Variants in FAM117B observed in about 807,000 individuals in gnomAD.
The protein encoded by FAM117B is family with sequence similarity 117 member B.
In FAM117B, 22 loss-of-function variants were observed where a neutral mutation model predicts 52.8. That is an observed-to-expected ratio of 0.42 (90% CI 0.30 to 0.59). The LOEUF (loss-of-function observed/expected upper bound fraction) is 0.59, where lower values mean the gene tolerates loss of function less well. FAM117B is among the 20% of genes least tolerant of loss of function. FAM117B has a pLI of 0.22. For synonymous variants in FAM117B, 309 were observed against 324.1 expected, an observed-to-expected ratio of 0.95 and a Z score of 0.50; for missense variants, 678 against 802.6, an observed-to-expected ratio of 0.84 and a Z score of 1.88.
chr2:202,765,471 G>A lies in FAM117B; in HGVS notation c.1477G>A (p.Ala493Thr), dbSNP rs774282248. The A allele has an allele frequency of 5.6e-6, 9 of 1,613,410 alleles. No individual in the cohort carries two copies. Among genetic ancestry groups the A allele is most frequent in the Middle Eastern group, 1.6e-4 (1 of 6,062 alleles). ...GCCAAAACAGCTTCATGAAATCCCA[G>A]CCTTTTATTGTCCTGACAAAAACAA... ...CSPKQLHEIPAFYCPDKNKVN... is the reference protein window; with the variant it reads ...CSPKQLHEIPTFYCPDKNKVN... The change falls in exon 8 of 8, where the codon GCC (alanine) becomes ACC (threonine). Residue 493 changes from alanine (A) to threonine (T), a missense_variant. Ala to Thr is a moderately conservative substitution (Grantham distance 58, BLOSUM62 0). Transcript: ENST00000392238.
At chr2:202,660,606 C>G (rs1036500519) in intron 1 of FAM117B, among the ~76,000 whole-genome samples, 3 of 152,170 alleles carry the variant, frequency 2.0e-5, no homozygotes, top group African/African-American at 7.2e-5. Context: ...CCTTTTTCAG[C>G]TCCCTGTTCT....
rs990188061 is a variant in FAM117B, at chr2:202,768,307, A to G, written c.*2543A>G. 6.6e-6 allele frequency: 1 copy of G among 152,216 alleles called. No individual in the cohort carries two copies. Among genetic ancestry groups the G allele is most frequent in the African/African-American group, 2.4e-5 (1 of 41,458 alleles). 9.4% of individuals were successfully genotyped at this position (152,216 alleles called of 1,614,324 possible). On this transcript the variant is annotated 3_prime_UTR_variant, in exon 8 of 8. Coordinates refer to ENST00000392238, the MANE Select transcript of FAM117B (RefSeq NM_173511.4). ...ATATGTCCTTAATCTAAAGTAACTT[A>G]AAATTGGAATGGAAGAACAAGTTTC...
intron 4 of FAM117B, among the ~76,000 whole-genome samples, chr2:202,749,598 T>C (rs1691690124): frequency 6.6e-6 from 1 of 152,138 alleles, no homozygotes; most frequent in African/African-American, 2.4e-5. Flanking sequence ...TAATTTTCTT[T>C]CTTCACTGAA....
At chr2:202,727,649 A>G (rs537315741) in intron 4 of FAM117B, among the ~76,000 whole-genome samples, 1 of 152,306 alleles carries the variant, frequency 6.6e-6, no homozygotes, top group South Asian at 2.1e-4. Flanking sequence ...TTCCTAAATC[A>G]TAATGCACTT....
chr2:202,707,830 G>A (rs1437373874), intron 2 of FAM117B, among the ~76,000 whole-genome samples: 1 of 151,156 alleles, frequency 6.6e-6, no homozygotes, highest in Non-Finnish European at 1.5e-5. Context: ...GTGCAGCAGT[G>A]CAATCTTGGC....
At chr2:202,685,366 AGAC>A (rs1424208921) in intron 1 of FAM117B, among the ~76,000 whole-genome samples, 1 of 152,220 alleles carries the variant, frequency 6.6e-6, no homozygotes, top group Non-Finnish European at 1.5e-5. Context: ...AACTAGGACT[AGAC>A]GTCAACCTTC....
At chr2:202,670,237 A>G (rs78534589) in intron 1 of FAM117B, among the ~76,000 whole-genome samples, 1 of 152,096 alleles carries the variant, frequency 6.6e-6, no homozygotes, top group African/African-American at 2.4e-5. Flanking sequence ...GAGAAATAAG[A>G]CACATCAAGC....
chr2:202,730,830 A>G (rs770369642), intron 4 of FAM117B, among the ~76,000 whole-genome samples: 3 of 152,244 alleles, frequency 2.0e-5, no homozygotes, highest in Admixed American at 6.5e-5. Context: ...CATTTGTGAC[A>G]TTGCGTTAGG....
intron 1 of FAM117B, among the ~76,000 whole-genome samples, chr2:202,650,455 G>A (rs1056414102): frequency 4.6e-5 from 7 of 152,122 alleles, no homozygotes; most frequent in South Asian, 2.1e-4. Flanking sequence ...AAATTTGGAC[G>A]ATAAAGGAAA....
At chr2:202,676,595 G>T (rs367616088) in intron 1 of FAM117B, among the ~76,000 whole-genome samples, 1 of 152,006 alleles carries the variant, frequency 6.6e-6, no homozygotes. Flanking sequence ...GGTCAGGCTG[G>T]TCTTGAACTC....
At chr2:202,703,212 A>G (rs1201172121) in intron 2 of FAM117B, among the ~76,000 whole-genome samples, 1 of 152,220 alleles carries the variant, frequency 6.6e-6, no homozygotes, top group African/African-American at 2.4e-5. Context: ...GTTAATACTT[A>G]ACCACTATCT....
In FAM117B at chr2:202,744,053, G is replaced by T. The variant is rs534597606; in HGVS notation, c.961-11485G>T. ...CCCCAAATAGATTTAACCCAAAAAGGTCTTCTCCAAGTCATATTATAGTCA... is the reference window on the plus strand; with the variant it reads ...CCCCAAATAGATTTAACCCAAAAAGTTCTTCTCCAAGTCATATTATAGTCA... On this transcript the variant is annotated intron_variant, in intron 4 of 7. Transcript: ENST00000392238. Among the ~76,000 whole-genome samples the T allele has an allele frequency of 3.6e-4, 55 of 152,282 alleles. 1 individual carries two copies. In the South Asian group the frequency reaches 0.011, roughly 31 times the overall value.
At chr2:202,719,041 TAA>T (rs1236455390) in intron 2 of FAM117B, among the ~76,000 whole-genome samples, 1 of 152,194 alleles carries the variant, frequency 6.6e-6, no homozygotes, top group African/African-American at 2.4e-5. Context: ...TTCTAGTACA[TAA>T]GACAAGACTG....
intron 1 of FAM117B, among the ~76,000 whole-genome samples, chr2:202,666,294 C>G (rs1370332003): frequency 6.6e-6 from 1 of 151,610 alleles, no homozygotes; most frequent in Non-Finnish European, 1.5e-5. Flanking sequence ...AAAATAGAAA[C>G]AGTTTACCTA....
chr2:202,733,346 G>A (rs565269239), intron 4 of FAM117B, among the ~76,000 whole-genome samples: 1 of 152,262 alleles, frequency 6.6e-6, no homozygotes, highest in South Asian at 2.1e-4. Flanking sequence ...TTAAACAACA[G>A]AAAACAGGGT....
chr2:202,762,435 AT>A (rs1691904800), intron 7 of FAM117B, among the ~76,000 whole-genome samples: 1 of 152,214 alleles, frequency 6.6e-6, no homozygotes, highest in Admixed American at 6.5e-5. Context: ...ATGAAGTTGA[AT>A]ATACTCTTTC....
chr2:202,743,102 C>T (rs1428291123), intron 4 of FAM117B, among the ~76,000 whole-genome samples: 1 of 152,220 alleles, frequency 6.6e-6, no homozygotes, highest in African/African-American at 2.4e-5. Context: ...CTTACCCAGA[C>T]CCACCAATAC....
chr2:202,684,917 A>C lies in FAM117B; in HGVS notation c.602-10964A>C, dbSNP rs186947165. On this transcript the variant is annotated intron_variant, in intron 1 of 7. Coordinates refer to ENST00000392238, the MANE Select transcript of FAM117B (RefSeq NM_173511.4). ...GAACAAATAACTACCATAAATAACG[A>C]GAATGGGCTATATATCTGTTACTCG... 2.6e-5 allele frequency among the ~76,000 whole-genome samples: 4 copies of C among 152,332 alleles called. No individual in the cohort carries two copies. In the East Asian group the frequency reaches 7.7e-4, roughly 29 times the overall value.
chr2:202,731,301 T>C (rs1691340356), intron 4 of FAM117B, among the ~76,000 whole-genome samples: 1 of 110,332 alleles, frequency 9.1e-6, no homozygotes, highest in Non-Finnish European at 1.8e-5. Flanking sequence ...AGACAGATAA[T>C]AAGTGTCAGG....
Sources: allele counts gnomAD v4.1 joint callset (sites outside exome capture counted in the v4.1 genomes callset), GRCh38; gene constraint gnomAD v4.1.1; transcripts MANE v1.5; gene names NCBI Gene and HGNC (gene_info 2026-07-23, HGNC 2026-07-21).